Variants in PLPPR1 observed in about 807,000 individuals in gnomAD.
The protein encoded by PLPPR1 is phospholipid phosphatase related 1.
Under a neutral mutation model 33.1 loss-of-function variants are expected in PLPPR1, and 10 were observed. The observed-to-expected ratio is 0.30, with a 90% CI of 0.19 to 0.51. The LOEUF (loss-of-function observed/expected upper bound fraction) is 0.51. PLPPR1 is among the 20% of genes least tolerant of loss of function. The pLI is 0.97. For synonymous variants in PLPPR1, 151 were observed against 151.0 expected, an observed-to-expected ratio of 1.00 and a Z score of 0.00; for missense variants, 304 against 408.1, an observed-to-expected ratio of 0.74 and a Z score of 2.20.
intron 3 of PLPPR1, among the ~76,000 whole-genome samples, chr9:101,278,490 T>C (rs1828238056): frequency 6.6e-6 from 1 of 152,082 alleles, no homozygotes; most frequent in African/African-American, 2.4e-5. Context: ...AAAAGATGCA[T>C]TGAAAATGGT....
intron 1 of PLPPR1, among the ~76,000 whole-genome samples, chr9:101,143,594 A>C (rs1831482134): frequency 6.6e-6 from 1 of 152,186 alleles, no homozygotes; most frequent in Admixed American, 6.6e-5. Flanking sequence ...AAAAAATCAA[A>C]CGACCCCATC....
chr9:101,181,045 C>T (rs1010505643), intron 1 of PLPPR1, among the ~76,000 whole-genome samples: 5 of 150,410 alleles, frequency 3.3e-5, no homozygotes, highest in African/African-American at 9.7e-5. Context: ...AATAAAACAA[C>T]CCAATCTAAA....
At chr9:101,197,270 G>C (rs1426822613) in intron 2 of PLPPR1, among the ~76,000 whole-genome samples, 1 of 152,160 alleles carries the variant, frequency 6.6e-6, no homozygotes, top group Non-Finnish European at 1.5e-5. Context: ...CAGGAAGTAT[G>C]CTAATATTGA....
At chr9:101,288,758 GT>G in intron 4 of PLPPR1, among the ~76,000 whole-genome samples, 1 of 152,236 alleles carries the variant, frequency 6.6e-6, no homozygotes, top group South Asian at 2.1e-4. Context: ...GATTATTTGT[GT>G]TTTCGCAAGT....
rs933953356 is a variant in PLPPR1 at position 101,160,244 on chromosome 9, C to G, written c.-45-25206C>G. The stretch of plus-strand genomic sequence containing the variant: ...AGGACTTGGTTGGAGAATAATTTTT[C>G]CTTAGTTGCTTCATGATACTGAACA... On this transcript the variant is annotated intron_variant, in intron 1 of 7. Coordinates refer to ENST00000374874, the MANE Select transcript of PLPPR1 (RefSeq NM_207299.2). Among the ~76,000 whole-genome samples, 4 of 152,106 alleles carry G rather than the reference C, an allele frequency of 2.6e-5. No individual in the cohort carries two copies. In the East Asian group the frequency reaches 5.8e-4, roughly 22 times the overall value.
chr9:101,055,787 A>G (rs1830272444), intron 1 of PLPPR1, among the ~76,000 whole-genome samples: 1 of 152,082 alleles, frequency 6.6e-6, no homozygotes, highest in African/African-American at 2.4e-5. Context: ...TCCACATCAC[A>G]CGGGTAGGAT....
At chr9:101,237,845 T>TAG (rs1827342450) in intron 2 of PLPPR1, among the ~76,000 whole-genome samples, 2 of 96,192 alleles carry the variant, frequency 2.1e-5, no homozygotes, top group African/African-American at 4.5e-5. Flanking sequence ...ATGCTATATA[T>TAG]GTGTGTGTGT....
chr9:101,254,862 C>A (rs1190310551), intron 2 of PLPPR1, among the ~76,000 whole-genome samples: 1 of 152,086 alleles, frequency 6.6e-6, no homozygotes, highest in Non-Finnish European at 1.5e-5. Flanking sequence ...TTATGTCTTT[C>A]CTTGCACAAA....
chr9:101,229,790 C>G (rs937997157), intron 2 of PLPPR1, among the ~76,000 whole-genome samples: 5 of 152,132 alleles, frequency 3.3e-5, no homozygotes, highest in Admixed American at 2.0e-4. Flanking sequence ...TCAGCAGATT[C>G]TAAAGCCTCT....
At chr9:101,094,976 C>T (rs1830797255) in intron 1 of PLPPR1, among the ~76,000 whole-genome samples, 1 of 152,178 alleles carries the variant, frequency 6.6e-6, no homozygotes, top group African/African-American at 2.4e-5. Context: ...CATCAAGCCT[C>T]AGTGCTGAAC....
At chr9:101,107,689 TC>T (rs1288915593) in intron 1 of PLPPR1, among the ~76,000 whole-genome samples, 4 of 91,552 alleles carry the variant, frequency 4.4e-5, no homozygotes, top group Non-Finnish European at 8.4e-5. Context: ...AGTTCGAGCT[TC>T]CCGGCTGCTT....
chr9:101,074,818 A>G (rs1830517936), intron 1 of PLPPR1, among the ~76,000 whole-genome samples: 1 of 152,152 alleles, frequency 6.6e-6, no homozygotes, highest in Non-Finnish European at 1.5e-5. Flanking sequence ...TAATAGAAAC[A>G]TGTTTGGTGC....
chr9:101,229,235 A>T (rs1284844239), intron 2 of PLPPR1, among the ~76,000 whole-genome samples: 1 of 152,132 alleles, frequency 6.6e-6, no homozygotes, highest in African/African-American at 2.4e-5. Flanking sequence ...AAAACAGTGC[A>T]GTGTGGTATT....
At chr9:101,100,697 CGTGTGTGTGTGTGTGTGT>C (rs56760066) in intron 1 of PLPPR1, among the ~76,000 whole-genome samples, 2 of 146,822 alleles carry the variant, frequency 1.4e-5, no homozygotes, top group Admixed American at 6.9e-5. Flanking sequence ...CTCTTTGTTC[CGTGTGTGTGTGTGTGTGT>C]GTGTGTGTGT....
chr9:101,279,274 A>G (rs892820139), intron 3 of PLPPR1, among the ~76,000 whole-genome samples: 3 of 152,246 alleles, frequency 2.0e-5, no homozygotes, highest in African/African-American at 7.2e-5. Context: ...TAATTCAGCA[A>G]GAGAATGTAA....
chr9:101,263,343 T>C lies in PLPPR1; in HGVS notation c.64-6537T>C, dbSNP rs907316619. 3.9e-5 allele frequency among the ~76,000 whole-genome samples: 6 copies of C among 152,320 alleles called. No individual in the cohort carries two copies. In the South Asian group the frequency reaches 1.2e-3, roughly 32 times the overall value. On this transcript the variant is annotated intron_variant, in intron 2 of 7. Coordinates refer to ENST00000374874, the MANE Select transcript of PLPPR1 (RefSeq NM_207299.2). The stretch of plus-strand genomic sequence containing the variant: ...CTTATAGATATTGACCACCATTTCC[T>C]TATTGCATTGACTGTTAGACAATTT...
At chr9:101,233,571 G>A (rs1030482870) in intron 2 of PLPPR1, among the ~76,000 whole-genome samples, 1 of 151,932 alleles carries the variant, frequency 6.6e-6, no homozygotes, top group African/African-American at 2.4e-5. Context: ...ATTAGGCCAT[G>A]AAGGCTCCAC....
intron 1 of PLPPR1, among the ~76,000 whole-genome samples, chr9:101,114,074 C>T (rs910050318): frequency 1.3e-5 from 2 of 152,054 alleles, no homozygotes; most frequent in Non-Finnish European, 2.9e-5. Context: ...AGGCGTTTTC[C>T]TTTCAAATGA....
chr9:101,281,882 T>G (rs12000705), intron 3 of PLPPR1, among the ~76,000 whole-genome samples: 12,033 of 152,134 alleles, frequency 0.079, 919 homozygotes, highest in African/African-American at 0.2. Context: ...GATTAAATCA[T>G]GAAGAAATAG....
Sources: allele counts gnomAD v4.1 joint callset (sites outside exome capture counted in the v4.1 genomes callset), GRCh38; gene constraint gnomAD v4.1.1; transcripts MANE v1.5; gene names NCBI Gene and HGNC (gene_info 2026-07-23, HGNC 2026-07-21).